Variants in VPS8 observed in about 807,000 individuals in gnomAD.
The protein encoded by VPS8 is vacuolar protein sorting-associated protein 8 homolog.
VPS8 carries 129 observed loss-of-function variants against 216.4 expected under a neutral mutation model. The ratio of observed to expected loss-of-function variants is 0.60; its 90% CI spans 0.52 to 0.69. The LOEUF is 0.69. Ranked by LOEUF, VPS8 falls within the 30% of genes least tolerant of loss-of-function variation. The pLI is 0.00. For synonymous variants in VPS8, 571 were observed against 565.4 expected (o/e 1.01, Z -0.14); for missense variants, 1,531 against 1,683.5 (o/e 0.91, Z 1.59).
chr3:185,023,149 T>TAG (rs1756884449), intron 45 of VPS8, among the ~76,000 whole-genome samples: 2 of 152,244 alleles, frequency 1.3e-5, no homozygotes, highest in Non-Finnish European at 2.9e-5. Context: ...CAACCACTGA[T>TAG]TATCTTTACA....
At position 184,951,481 on chromosome 3, in the gene VPS8, T is replaced by TAA. The variant is rs748553613; in HGVS notation, c.3036-5879_3036-5878dup. 1.8e-4 allele frequency among the ~76,000 whole-genome samples: 24 copies of TAA among 135,880 alleles called. No individual in the cohort carries two copies. In the East Asian group the frequency reaches 3.1e-3, roughly 18 times the overall value. 89.1% of individuals were successfully genotyped at this position (135,880 alleles called of 152,430 possible). On this transcript the variant is annotated intron_variant, in intron 36 of 47. Coordinates refer to ENST00000625842, the MANE Select transcript of VPS8 (RefSeq NM_001009921.3). ...GCCAGGACGACAGAGTGAGACTGTCTAAAAAAAAAAAAAAAGAATTTGATG... is the reference window on the plus strand; with the variant it reads ...GCCAGGACGACAGAGTGAGACTGTCTAAAAAAAAAAAAAAAAAGAATTTGATG...
At chr3:184,839,610 G>A in intron 6 of VPS8, 88 bp from the exon 7 acceptor site, 1 of 1,294,216 alleles carries the variant, frequency 7.7e-7, no homozygotes, top group East Asian at 2.6e-5. Context: ...CTGGTGCCTA[G>A]AGGAAGGCAG....
intron 22 of VPS8, chr3:184,893,178 G>A (rs551981950): frequency 3.1e-6 from 3 of 965,576 alleles, no homozygotes; most frequent in African/African-American, 3.5e-5. Context: ...ATTGCAGGGT[G>A]GTGTGGAGTT....
intron 24 of VPS8, 103 bp downstream of exon 24, chr3:184,898,757 T>A: frequency 1.1e-6 from 1 of 912,266 alleles, no homozygotes; most frequent in Non-Finnish European, 1.6e-6. Context: ...TCCAATTATT[T>A]AAAAATTCTT....
chr3:184,852,282 T>C (rs1460846855), intron 10 of VPS8, among the ~76,000 whole-genome samples: 2 of 152,212 alleles, frequency 1.3e-5, no homozygotes, highest in African/African-American at 4.8e-5. Flanking sequence ...GTGGTTTTGC[T>C]TTTTGAAAGC....
intron 25 of VPS8, among the ~76,000 whole-genome samples, chr3:184,910,088 G>C (rs1306057948): frequency 1.3e-5 from 2 of 150,892 alleles, no homozygotes; most frequent in African/African-American, 4.9e-5. Context: ...ACAGAGTTTG[G>C]GGATCCTTCC....
intron 46 of VPS8, among the ~76,000 whole-genome samples, chr3:185,030,020 G>A (rs1180413046): frequency 6.6e-6 from 1 of 152,166 alleles, no homozygotes; most frequent in African/African-American, 2.4e-5. Flanking sequence ...TAACGAAGTT[G>A]GAAGATACAC....
intron 22 of VPS8, among the ~76,000 whole-genome samples, chr3:184,889,680 G>A (rs984236063): frequency 6.6e-6 from 1 of 152,072 alleles, no homozygotes; most frequent in African/African-American, 2.4e-5. Flanking sequence ...GAGAAAAAGC[G>A]GGAGGGCAGC....
At chr3:185,019,688 C>G (rs1387784501) in intron 45 of VPS8, among the ~76,000 whole-genome samples, 1 of 152,194 alleles carries the variant, frequency 6.6e-6, no homozygotes, top group African/African-American at 2.4e-5. Flanking sequence ...TCTGGTAAAC[C>G]CACAACCTTC....
At chr3:184,826,846 A>G (rs1456876459) in intron 3 of VPS8, among the ~76,000 whole-genome samples, 1 of 152,198 alleles carries the variant, frequency 6.6e-6, no homozygotes, top group African/African-American at 2.4e-5. Flanking sequence ...TCTAATGAAA[A>G]GTTTTTCAGA....
At chr3:184,989,966 G>A (rs568263696) in intron 42 of VPS8, among the ~76,000 whole-genome samples, 16 of 152,022 alleles carry the variant, frequency 1.1e-4, no homozygotes, top group East Asian at 3.9e-4. Flanking sequence ...CCAGCTACTC[G>A]GGAGGCTGAG....
At chr3:184,846,211 A>T (rs1227515558) in intron 8 of VPS8, among the ~76,000 whole-genome samples, 1 of 152,198 alleles carries the variant, frequency 6.6e-6, no homozygotes, top group East Asian at 1.9e-4. Flanking sequence ...CAACAAATAT[A>T]TTGTAAAAAA....
chr3:184,962,958 A>G (rs1746782191), intron 37 of VPS8, among the ~76,000 whole-genome samples: 1 of 152,014 alleles, frequency 6.6e-6, no homozygotes, highest in Non-Finnish European at 1.5e-5. Context: ...TTCCTCACTG[A>G]TTTTTAATGC....
intron 21 of VPS8, among the ~76,000 whole-genome samples, chr3:184,878,184 C>T (rs1433627022): frequency 6.6e-6 from 1 of 151,748 alleles, no homozygotes; most frequent in Non-Finnish European, 1.5e-5. Context: ...GATCTCGGCT[C>T]ACTGCAACCT....
chr3:184,879,775 T>C (rs1456618915), intron 21 of VPS8, among the ~76,000 whole-genome samples: 1 of 152,122 alleles, frequency 6.6e-6, no homozygotes, highest in African/African-American at 2.4e-5. Context: ...CCCTTGCCAG[T>C]TGGGAGATGG....
intron 37 of VPS8, among the ~76,000 whole-genome samples, chr3:184,959,038 C>T (rs890495401): frequency 2.0e-5 from 3 of 152,146 alleles, no homozygotes; most frequent in Non-Finnish European, 2.9e-5. Flanking sequence ...AAAAGTCTCT[C>T]GTCTTCAGGC....
In VPS8 at chr3:184,924,981, G is replaced by C. The variant is rs777601399; in HGVS notation, c.2574G>C (p.Gln858His). 34 of 1,613,002 alleles carry C rather than the reference G, an allele frequency of 2.1e-5. No homozygotes were observed. The highest frequency in any genetic ancestry group is 2.8e-5 in the Non-Finnish European group (33 of 1,179,564). Residue 858 changes from glutamine to histidine, a missense_variant and splice_region_variant, in exon 30 of 48, where the codon CAG (glutamine) becomes CAC (histidine). Physicochemically the swap from Gln to His is conservative, Grantham distance 24. Around this residue, in one of 3 missense-constraint regions of VPS8, gnomAD observed 1,318 missense variants for 1,468.4 expected, o/e 0.90. Coordinates refer to ENST00000625842, the MANE Select transcript of VPS8 (RefSeq NM_001009921.3). ...TTGTAAACAGAACACTTTTTGATCA[G>C]GTAAGTGTCTAGCAGTGAAAACTAA... ...TLFVNRTLFD[Q>H]VLEFLCSPDD...
rs553684751 is a variant in VPS8, at chr3:184,820,131, C to T, written c.-88-4414C>T. 1.5e-4 allele frequency among the ~76,000 whole-genome samples: 23 copies of T among 152,174 alleles called. No individual in the cohort carries two copies. In the South Asian group the frequency reaches 2.1e-3, roughly 14 times the overall value. ...CTGTCTATTCATTTCCTATTGTTGC[C>T]GTAAATTACCGTAAAGTTAGTAGTA... On this transcript the variant is annotated intron_variant, in intron 1 of 47. Transcript: ENST00000625842.
chr3:184,843,307 G>C, intron 8 of VPS8, 62 bp downstream of exon 8: 2 of 1,222,180 alleles, frequency 1.6e-6, no homozygotes, highest in Non-Finnish European at 2.2e-6. Context: ...TGTTGGAAGA[G>C]AATGCTACCA....
Sources: allele counts gnomAD v4.1 joint callset (sites outside exome capture counted in the v4.1 genomes callset), GRCh38; gene constraint gnomAD v4.1.1; regional missense constraint gnomAD v4.1.1; transcripts MANE v1.5; gene names NCBI Gene and HGNC (gene_info 2026-07-23, HGNC 2026-07-21).